Variants in USP32 observed in about 807,000 individuals in gnomAD.
USP32 encodes ubiquitin specific peptidase 32.
USP32 carries 59 observed loss-of-function variants against 204.8 expected under a neutral mutation model. That is an observed-to-expected ratio of 0.29 (90% CI 0.23 to 0.36). The LOEUF (loss-of-function observed/expected upper bound fraction) is 0.36, where lower values mean the gene tolerates loss of function less well. Among genes scored for constraint, USP32 ranks in the 10% least tolerant of loss-of-function variants. The pLI is 1.00. For synonymous variants in USP32, 517 were observed against 678.4 expected (o/e 0.76, Z 3.70); for missense variants, 1,160 against 1,946.4 (o/e 0.60, Z 7.60).
At chr17:60,357,517 C>A (rs1164759367) in intron 1 of USP32, among the ~76,000 whole-genome samples, 1 of 151,966 alleles carries the variant, frequency 6.6e-6, no homozygotes, top group Non-Finnish European at 1.5e-5. Flanking sequence ...AAGACCCTGT[C>A]TCTTAAAAAA....
In USP32 at chr17:60,208,180, C is replaced by T. The variant is rs371609933; in HGVS notation, c.2804G>A (p.Arg935Gln). 9.5e-6 allele frequency: 15 copies of T among 1,583,776 alleles called. No individual in the cohort carries two copies. The highest frequency in any genetic ancestry group is 1.9e-5 in the Admixed American group (1 of 53,928). ...VIKLDGTTPVRYGLRLNMDEK... is the reference protein window; with the variant it reads ...VIKLDGTTPVQYGLRLNMDEK... ...ATCCATATTCAGTCTTAGTCCATAC[C>T]GTACAGGGGTAGTACCATCTAACTT... The change falls in exon 24 of 34, where the codon CGG (arginine) becomes CAG (glutamine). Residue 935 changes from arginine to glutamine, a missense_variant. By Grantham distance (43) the Arg-to-Gln change is conservative. Transcript: ENST00000300896.
intron 2 of USP32, among the ~76,000 whole-genome samples, chr17:60,333,184 C>T (rs772168961): frequency 3.3e-5 from 5 of 152,192 alleles, no homozygotes; most frequent in Non-Finnish European, 7.3e-5. Context: ...TCCAGAAAAG[C>T]TTTACTAATA....
intron 2 of USP32, among the ~76,000 whole-genome samples, chr17:60,326,336 G>A (rs1482352799): frequency 1.3e-5 from 2 of 150,916 alleles, no homozygotes; most frequent in Non-Finnish European, 2.9e-5. Flanking sequence ...TTGAGACAGA[G>A]TTTCGCTCTC....
intron 26 of USP32, among the ~76,000 whole-genome samples, chr17:60,204,658 G>T (rs2084776996): frequency 6.6e-6 from 1 of 151,936 alleles, no homozygotes; most frequent in Admixed American, 6.6e-5. Context: ...TAGTAGAGAT[G>T]GGGTTTCACC....
At chr17:60,334,907 CCT>C (rs1375350590) in intron 2 of USP32, among the ~76,000 whole-genome samples, 1 of 142,696 alleles carries the variant, frequency 7.0e-6, no homozygotes, top group Non-Finnish European at 1.5e-5. Flanking sequence ...GATCCACCTG[CCT>C]CGGCCTCCCA....
intron 1 of USP32, among the ~76,000 whole-genome samples, chr17:60,391,546 G>A (rs932828323): frequency 6.6e-6 from 1 of 152,168 alleles, no homozygotes; most frequent in African/African-American, 2.4e-5. Context: ...AATGAAGGAT[G>A]AGGGGGGCTG....
chr17:60,351,183 A>G (rs181501833), intron 1 of USP32, among the ~76,000 whole-genome samples: 2 of 152,244 alleles, frequency 1.3e-5, no homozygotes, highest in East Asian at 1.9e-4. Flanking sequence ...AAAGTCTATG[A>G]GGAGTAGTTA....
chr17:60,247,618 T>C (rs575525139), intron 11 of USP32, among the ~76,000 whole-genome samples: 1 of 152,158 alleles, frequency 6.6e-6, no homozygotes, highest in Non-Finnish European at 1.5e-5. Context: ...GCTCTTGGCA[T>C]CTTTGTCAAA....
intron 12 of USP32, among the ~76,000 whole-genome samples, chr17:60,234,099 A>G (rs538925609): frequency 1.3e-5 from 2 of 149,148 alleles, no homozygotes; most frequent in Admixed American, 1.3e-4. Flanking sequence ...ACAGGCGCAC[A>G]CTACCAAGCA....
Position 60,412,901 on chromosome 17 carries a change from T to C in USP32, c.106+9345A>G, listed in dbSNP as rs74498787. On this transcript the variant is annotated intron_variant, in intron 1 of 3. Coordinates refer to the USP32 transcript ENST00000588898. ...AGGAAATCATTAGGCCCCAGCAATT[T>C]TGACAAGATCACAGACGCTTGCATA... is the stretch of plus-strand genomic sequence containing the variant. Among the ~76,000 whole-genome samples the C allele has an allele frequency of 3.5e-4, 54 of 152,292 alleles. 2 individuals carry two copies. In the East Asian group the frequency reaches 0.01, roughly 29 times the overall value.
intron 1 of USP32, among the ~76,000 whole-genome samples, chr17:60,402,460 A>G (rs1032153604): frequency 2.0e-5 from 3 of 152,102 alleles, no homozygotes; most frequent in Non-Finnish European, 4.4e-5. Flanking sequence ...CACGTTGCCC[A>G]GACTGGTCTT....
chr17:60,276,756 A>C (rs2086848943), intron 5 of USP32, among the ~76,000 whole-genome samples: 2 of 152,156 alleles, frequency 1.3e-5, no homozygotes, highest in Non-Finnish European at 2.9e-5. Context: ...TCTTTGCTGA[A>C]GCAGAAATGT....
chr17:60,345,405 C>G, intron 2 of USP32, 76 bp downstream of exon 2: 1 of 1,570,332 alleles, frequency 6.4e-7, no homozygotes, highest in Non-Finnish European at 8.6e-7. Context: ...CTGTTAAGAG[C>G]AGAAGGCCCC....
intron 12 of USP32, among the ~76,000 whole-genome samples, chr17:60,228,957 T>G (rs1442017958): frequency 6.6e-6 from 1 of 151,804 alleles, no homozygotes; most frequent in Admixed American, 6.6e-5. Flanking sequence ...GTGAGCCACC[T>G]CACCTGGTTA....
chr17:60,284,528 G>C (rs2145836269), intron 5 of USP32, among the ~76,000 whole-genome samples: 1 of 151,930 alleles, frequency 6.6e-6, no homozygotes, highest in East Asian at 1.9e-4. Flanking sequence ...CCTAATTCAA[G>C]ATTTCTTAAG....
In USP32 at chr17:60,336,296, G is replaced by A. The variant is rs559559048; in HGVS notation, c.186+9185C>T. Among the ~76,000 whole-genome samples, 15 of 143,006 alleles carry A rather than the reference G, an allele frequency of 1.0e-4. 1 individual carries two copies. The East Asian group carries it at 2.3e-3, about 22-fold the overall frequency. The allele number at this position is 143,006 out of a possible 152,430, so 93.8% of individuals were successfully genotyped here. On this transcript the variant is annotated intron_variant, in intron 2 of 33. Coordinates refer to ENST00000300896, the MANE Select transcript of USP32 (RefSeq NM_032582.4). Reference sequence around the variant, plus strand: ...CTCTAGCTTAAAACTTGACAACTAAGGACCATCAAGATAATAATGCACATA... The same window carrying A: ...CTCTAGCTTAAAACTTGACAACTAAAGACCATCAAGATAATAATGCACATA...
intron 1 of USP32, among the ~76,000 whole-genome samples, chr17:60,405,411 C>T (rs2143039330): frequency 6.6e-6 from 1 of 152,034 alleles, no homozygotes; most frequent in African/African-American, 2.4e-5. Flanking sequence ...CACCGTGTTG[C>T]CCAGGCTGGT....
At chr17:60,422,027 C>T (rs149073788) in intron 1 of USP32, 3 of 880,116 alleles carry the variant, frequency 3.4e-6, no homozygotes, top group Non-Finnish European at 4.1e-6. Context: ...CAGCACCCAG[C>T]ACCCAGCACG....
rs769209188 is a variant in USP32 at position 60,219,758 on chromosome 17, T to C, written c.1779A>G (p.Pro593=). ...PVIKNSKTDI[P]ELELFPRYLL... ...GATAGCGGGGAAATAATTCCAGCTC[T>C]GGGATGTCTGTCTTGCTGTTCTTGA... The change falls in exon 16 of 34, where the codon CCA becomes CCG. Residue 593 remains proline, a synonymous_variant. Transcript: ENST00000300896. The C allele has an allele frequency of 6.2e-7, 1 of 1,613,098 alleles. No individual in the cohort carries two copies. The highest frequency in any genetic ancestry group is 2.2e-5 in the East Asian group (1 of 44,852).
Sources: allele counts gnomAD v4.1 joint callset (sites outside exome capture counted in the v4.1 genomes callset), GRCh38; gene constraint gnomAD v4.1.1; transcripts MANE v1.5; gene names NCBI Gene and HGNC (gene_info 2026-07-23, HGNC 2026-07-21).